CSTL1: variants seen among roughly 807,000 people sequenced by gnomAD.
CSTL1 encodes cystatin-like 1.
CSTL1 carries 14 observed loss-of-function variants against 14.4 expected under a neutral mutation model. That is an observed-to-expected ratio of 0.97 (90% CI 0.64 to 1.52). CSTL1 has a LOEUF of 1.52. Among genes scored for constraint, CSTL1 ranks in the 40% most tolerant of loss-of-function variants. The pLI is 0.00. For missense variants in CSTL1, 170 were observed against 168.7 expected (o/e 1.01, Z -0.04); for synonymous variants, 72 against 67.5 (o/e 1.07, Z -0.33).
At chr20:23,452,648 T>A in the CSTL1 span, 2 of 1,614,122 alleles carry the variant, frequency 1.2e-6, no homozygotes, top group South Asian at 2.2e-5. Context: ...TTCCTTGTTA[T>A]ACTGGTCGGT....
chr20:23,460,819 C>T, the CSTL1 span, among the ~76,000 whole-genome samples: 1 of 152,104 alleles, frequency 6.6e-6, no homozygotes, highest in Admixed American at 6.5e-5. Flanking sequence ...CTCATTTAGC[C>T]AAAGGGAAAA....
the CSTL1 span, among the ~76,000 whole-genome samples, chr20:23,460,853 C>T: frequency 6.6e-6 from 1 of 152,268 alleles, no homozygotes; most frequent in South Asian, 2.1e-4. Context: ...CTGGGTCATG[C>T]AAACCTGCCT....
chr20:23,440,516 C>G, intron 2 of CSTL1, 30 bp downstream of exon 2: 1 of 1,512,776 alleles, frequency 6.6e-7, no homozygotes. Context: ...AAGACATCAG[C>G]AGGCCCTGTT....
At chr20:23,440,612 A>G (rs1267092793) in intron 2 of CSTL1, 126 bp downstream of exon 2, 1 of 779,132 alleles carries the variant, frequency 1.3e-6, no homozygotes, top group Non-Finnish European at 2.3e-6. Flanking sequence ...AGGGGGAAGC[A>G]TCTTCACTTG....
the CSTL1 span, among the ~76,000 whole-genome samples, chr20:23,460,173 C>T: frequency 6.6e-6 from 1 of 152,210 alleles, no homozygotes; most frequent in Non-Finnish European, 1.5e-5. Flanking sequence ...TCCTGCTTCA[C>T]AGCTCAGAAG....
downstream of CSTL1, among the ~76,000 whole-genome samples, chr20:23,447,466 T>C (rs930678230): frequency 6.9e-5 from 10 of 144,676 alleles, no homozygotes; most frequent in African/African-American, 2.8e-4. Flanking sequence ...CTTTTCTTTT[T>C]CTTTTTTTTT....
intron 3 of CSTL1, 75 bp from the exon 4 acceptor site, chr20:23,444,696 C>A: frequency 1.1e-6 from 1 of 930,186 alleles, no homozygotes. Flanking sequence ...CAGGGAGAGA[C>A]CTGGGGAACA....
At chr20:23,449,270 G>A (rs922153481), downstream of CSTL1, among the ~76,000 whole-genome samples, 5 of 152,168 alleles carry the variant, frequency 3.3e-5, no homozygotes, top group Non-Finnish European at 7.3e-5. Context: ...CCCTGGAGCT[G>A]CCTCAGGCCA....
chr20:23,445,619 C>G (rs193113697), downstream of CSTL1, among the ~76,000 whole-genome samples: 1 of 152,186 alleles, frequency 6.6e-6, no homozygotes, highest in South Asian at 2.1e-4. Flanking sequence ...ATTCTTTCTA[C>G]GCCACCCCAC....
At chr20:23,460,460 C>A in the CSTL1 span, among the ~76,000 whole-genome samples, 10 of 152,116 alleles carry the variant, frequency 6.6e-5, no homozygotes, top group African/African-American at 2.4e-4. Flanking sequence ...GTTTTACCCA[C>A]CCCATTTGTT....
At chr20:23,447,920 T>C (rs1218812363), downstream of CSTL1, among the ~76,000 whole-genome samples, 1 of 152,264 alleles carries the variant, frequency 6.6e-6, no homozygotes, top group Non-Finnish European at 1.5e-5. Flanking sequence ...ATTTAAATCT[T>C]GTTCAACCTC....
At chr20:23,446,835 A>T (rs912125562), downstream of CSTL1, among the ~76,000 whole-genome samples, 1 of 152,200 alleles carries the variant, frequency 6.6e-6, no homozygotes, top group Non-Finnish European at 1.5e-5. Context: ...AACTTGAGGG[A>T]GTATTGCTAA....
At chr20:23,442,766 C>G (rs1394919211) in intron 2 of CSTL1, among the ~76,000 whole-genome samples, 1 of 152,144 alleles carries the variant, frequency 6.6e-6, no homozygotes, top group African/African-American at 2.4e-5. Flanking sequence ...CAGTCACCAC[C>G]CCAGAGATGA....
the CSTL1 span, chr20:23,459,521 T>A: frequency 6.6e-6 from 1 of 152,036 alleles, no homozygotes; most frequent in Non-Finnish European, 1.5e-5. Context: ...CAGTTCCTGA[T>A]GTTGAATGAA....
chr20:23,459,536 T>C, the CSTL1 span: 2 of 150,590 alleles, frequency 1.3e-5, no homozygotes, highest in Non-Finnish European at 2.9e-5. Context: ...AATGAACCAC[T>C]GACAATGTTC....
the CSTL1 span, among the ~76,000 whole-genome samples, chr20:23,456,800 G>A: frequency 6.6e-6 from 1 of 152,116 alleles, no homozygotes; most frequent in East Asian, 1.9e-4. Flanking sequence ...CTTGGCTTCT[G>A]GCCCCTTCCT....
At chr20:23,446,753 A>G (rs1379111243), downstream of CSTL1, among the ~76,000 whole-genome samples, 1 of 152,222 alleles carries the variant, frequency 6.6e-6, no homozygotes, top group Non-Finnish European at 1.5e-5. Flanking sequence ...AATGGCTGAC[A>G]GTGTGCCTAT....
downstream of CSTL1, among the ~76,000 whole-genome samples, chr20:23,448,126 C>T (rs923190140): frequency 6.6e-6 from 1 of 152,094 alleles, no homozygotes; most frequent in Non-Finnish European, 1.5e-5. Flanking sequence ...GAGATTTTGG[C>T]ACACCTCTCA....
chr20:23,445,382 A>AG (rs1986946207), downstream of CSTL1, among the ~76,000 whole-genome samples: 1 of 152,086 alleles, frequency 6.6e-6, no homozygotes, highest in African/African-American at 2.4e-5. Context: ...CCTCCCAAGT[A>AG]GCTGAGATTA....
Sources: allele counts gnomAD v4.1 joint callset (sites outside exome capture counted in the v4.1 genomes callset), GRCh38; gene constraint gnomAD v4.1.1; transcripts MANE v1.5; gene names NCBI Gene and HGNC (gene_info 2026-07-23, HGNC 2026-07-21).